Variants in POTEF observed in about 807,000 individuals in gnomAD.
POTEF encodes the protein POTE ankyrin domain family member F, also known as ANKRD26-like family C member 1B.
Under a neutral mutation model 83.2 loss-of-function variants are expected in POTEF, and 20 were observed. The observed-to-expected ratio is 0.24, with a 90% CI of 0.17 to 0.35. The LOEUF (loss-of-function observed/expected upper bound fraction) is 0.35, where lower values mean the gene tolerates loss of function less well. POTEF is among the 10% of genes least tolerant of loss of function. The probability of loss-of-function intolerance (pLI) is 1.00; values close to 1 mark genes in which losing one functional copy is unlikely to be tolerated. For synonymous variants in POTEF, 196 were observed against 446.4 expected (o/e 0.44, Z 7.07); for missense variants, 550 against 1,203.2 (o/e 0.46, Z 8.03).
At chr2:130,106,752 CAAT>C (rs1028923099) in intron 8 of POTEF, among the ~76,000 whole-genome samples, 2 of 115,040 alleles carry the variant, frequency 1.7e-5, no homozygotes, top group Non-Finnish European at 3.4e-5. Flanking sequence ...ATGAAAATGA[CAAT>C]GATAACAAAA....
chr2:130,076,841 T>C (rs1683820925), intron 16 of POTEF, among the ~76,000 whole-genome samples: 1 of 151,690 alleles, frequency 6.6e-6, no homozygotes. Flanking sequence ...ATGAAAAATA[T>C]CAAATACTTC....
At chr2:130,087,611 A>C (rs1245879822) in intron 13 of POTEF, among the ~76,000 whole-genome samples, 1 of 96,322 alleles carries the variant, frequency 1.0e-5, no homozygotes, top group Non-Finnish European at 2.0e-5. Context: ...TTATTACAAT[A>C]AATTTTAAGA....
chr2:130,118,107 AT>A (rs1441761350), intron 3 of POTEF, among the ~76,000 whole-genome samples: 2 of 151,580 alleles, frequency 1.3e-5, no homozygotes, highest in African/African-American at 4.9e-5. Context: ...TGCCCAGCTA[AT>A]TTTTTGTATT....
At chr2:130,114,586 G>A (rs1260149222) in intron 5 of POTEF, among the ~76,000 whole-genome samples, 5 of 145,306 alleles carry the variant, frequency 3.4e-5, no homozygotes, top group Non-Finnish European at 6.0e-5. Flanking sequence ...CATTCAATAG[G>A]GAAAAAACAT....
chr2:130,123,159 CT>C (rs1360956665), intron 2 of POTEF, among the ~76,000 whole-genome samples: 19 of 136,490 alleles, frequency 1.4e-4, no homozygotes, highest in African/African-American at 5.3e-4. Context: ...AAAAAAAAAC[CT>C]ATCAATGCAA....
intron 3 of POTEF, among the ~76,000 whole-genome samples, chr2:130,119,399 C>G (rs191375583): frequency 2.0e-5 from 3 of 151,838 alleles, no homozygotes; most frequent in African/African-American, 4.9e-5. Context: ...ATCTCCTGAC[C>G]TCATGATCCG....
intron 5 of POTEF, among the ~76,000 whole-genome samples, chr2:130,113,585 G>A (rs1292130192): frequency 1.0e-5 from 1 of 98,666 alleles, no homozygotes. Context: ...GGCTAGACTC[G>A]AACTCCTGAG....
chr2:130,117,297 C>T (rs547881004), intron 3 of POTEF, among the ~76,000 whole-genome samples: 1 of 151,942 alleles, frequency 6.6e-6, no homozygotes, highest in East Asian at 1.9e-4. Context: ...TAAAAGTTCA[C>T]GGAAGATAGC....
At chr2:130,104,670 T>C (rs1350065276) in intron 8 of POTEF, among the ~76,000 whole-genome samples, 1 of 151,622 alleles carries the variant, frequency 6.6e-6, no homozygotes, top group African/African-American at 2.4e-5. Flanking sequence ...CTCGCTCTTT[T>C]CTGGCAGCTG....
At chr2:130,084,444 G>A (rs4850155) in intron 15 of POTEF, among the ~76,000 whole-genome samples, 1,417 of 11,534 alleles carry the variant, frequency 0.12, no homozygotes, top group Admixed American at 0.15. Flanking sequence ...TTGCACACCC[G>A]TGGTCTCAGC....
Position 130,121,257 on chromosome 2 carries a change from A to G in POTEF, c.-93-649T>C, listed in dbSNP as rs917957863. Among the ~76,000 whole-genome samples, 25 of 148,934 alleles carry G rather than the reference A, an allele frequency of 1.7e-4. 1 individual carries two copies. Among genetic ancestry groups the G allele is most frequent in the Non-Finnish European group, 3.4e-4 (23 of 66,968 alleles). ...TCACTGACAGCCTTGAGTTCCGGCA[A>G]ACTTCGTGGGAGTCAGCTGAGCTTT... On this transcript the variant is annotated intron_variant, in intron 2 of 16. Transcript: ENST00000409914.
intron 3 of POTEF, among the ~76,000 whole-genome samples, chr2:130,118,010 G>A (rs1300423239): frequency 4.0e-5 from 6 of 149,896 alleles, no homozygotes; most frequent in Non-Finnish European, 8.8e-5. Context: ...GCGCGATCTC[G>A]GCTCACTGCA....
At chr2:130,111,068 GCTCA>G (rs1684696867) in intron 6 of POTEF, among the ~76,000 whole-genome samples, 1 of 140,916 alleles carries the variant, frequency 7.1e-6, no homozygotes, top group Admixed American at 7.1e-5. Context: ...CTCTCTGCAT[GCTCA>G]AAGCAGTAAT....
chr2:130,128,686 T>G (rs1685161969), intron 1 of POTEF, among the ~76,000 whole-genome samples: 2 of 151,784 alleles, frequency 1.3e-5, no homozygotes, highest in Non-Finnish European at 2.9e-5. Flanking sequence ...CAGCTCCTGA[T>G]AGCGCACCCT....
chr2:130,127,198 G>C (rs1264156430), intron 2 of POTEF, among the ~76,000 whole-genome samples: 1 of 150,880 alleles, frequency 6.6e-6, no homozygotes, highest in Non-Finnish European at 1.5e-5. Context: ...GGTGGCAGGC[G>C]CCTGTAGTCC....
chr2:130,125,744 A>G (rs1228836637), intron 2 of POTEF, among the ~76,000 whole-genome samples: 5 of 151,902 alleles, frequency 3.3e-5, no homozygotes, highest in Non-Finnish European at 7.4e-5. Flanking sequence ...CATCTCTACT[A>G]AAAATACAAA....
intron 5 of POTEF, among the ~76,000 whole-genome samples, chr2:130,113,014 AGGAAAAGGT>A (rs1684751915): frequency 1.3e-5 from 2 of 151,482 alleles, no homozygotes; most frequent in Admixed American, 6.6e-5. Flanking sequence ...GATGGTAGGA[AGGAAAAGGT>A]ATTATTCTGT....
intron 3 of POTEF, among the ~76,000 whole-genome samples, chr2:130,117,167 T>C (rs987900754): frequency 7.9e-5 from 12 of 151,212 alleles, no homozygotes; most frequent in African/African-American, 2.9e-4. Context: ...ACTAAAATGA[T>C]TAATTCATAC....
At chr2:130,112,355 T>C (rs535804053) in intron 5 of POTEF, among the ~76,000 whole-genome samples, 1 of 89,940 alleles carries the variant, frequency 1.1e-5, no homozygotes, top group Non-Finnish European at 2.4e-5. Context: ...CCAAGGCTCT[T>C]TGCTTCTAAA....
Sources: gnomAD v4.1 joint callset for allele counts (sites outside exome capture counted in the v4.1 genomes callset) on GRCh38, gnomAD v4.1.1 for gene constraint, MANE v1.5 for transcripts, NCBI Gene and HGNC (gene_info 2026-07-23, HGNC 2026-07-21) for gene names.